The following VPS13A variants were observed in gnomAD, a reference collection of about 807,000 sequenced individuals.
VPS13A encodes the protein intermembrane lipid transfer protein VPS13A.
Under a neutral mutation model 390.9 loss-of-function variants are expected in VPS13A, and 264 were observed. The observed-to-expected ratio is 0.68, with a 90% CI of 0.61 to 0.75. VPS13A has a LOEUF of 0.75. Among genes scored for constraint, VPS13A ranks in the 30% least tolerant of loss-of-function variants. The probability of loss-of-function intolerance (pLI) is 0.00; values close to 1 mark genes in which losing one functional copy is unlikely to be tolerated. For synonymous variants in VPS13A, 1,231 were observed against 1,227.1 expected (o/e 1.00, Z -0.07); for missense variants, 3,409 against 3,733.9 (o/e 0.91, Z 2.27).
intron 31 of VPS13A, among the ~76,000 whole-genome samples, chr9:77,289,249 C>G (rs1398457088): frequency 6.6e-6 from 1 of 152,064 alleles, no homozygotes; most frequent in African/African-American, 2.4e-5. Context: ...TTCTTACAGT[C>G]AGTGTATATT....
intron 23 of VPS13A, among the ~76,000 whole-genome samples, chr9:77,261,052 C>G (rs1459366749): frequency 6.6e-6 from 1 of 151,978 alleles, no homozygotes; most frequent in Non-Finnish European, 1.5e-5. Context: ...CGCCCGCCAC[C>G]ACGCCAGCTA....
chr9:77,268,276 T>G (rs1826148657), intron 23 of VPS13A, among the ~76,000 whole-genome samples: 1 of 152,164 alleles, frequency 6.6e-6, no homozygotes, highest in Non-Finnish European at 1.5e-5. Flanking sequence ...GCCCTGTTGG[T>G]GTAGGCACCC....
intron 71 of VPS13A, among the ~76,000 whole-genome samples, chr9:77,410,822 T>C (rs1834883939): frequency 6.6e-6 from 1 of 152,180 alleles, no homozygotes; most frequent in South Asian, 2.1e-4. Context: ...CAAAGAGACT[T>C]AGACTCCCAC....
At chr9:77,270,568 G>C (rs1826290965) in intron 23 of VPS13A, among the ~76,000 whole-genome samples, 1 of 152,176 alleles carries the variant, frequency 6.6e-6, no homozygotes, top group Non-Finnish European at 1.5e-5. Context: ...GTGCACACCT[G>C]TAGTCCCAGC....
At chr9:77,327,784 C>T (rs1272986701) in intron 45 of VPS13A, among the ~76,000 whole-genome samples, 2 of 152,094 alleles carry the variant, frequency 1.3e-5, no homozygotes, top group Admixed American at 1.3e-4. Context: ...AATTCTAATT[C>T]TAGTTCTCTT....
chr9:77,371,180 A>G (rs1231486957), intron 67 of VPS13A, 31 bp downstream of exon 67: 1 of 1,613,250 alleles, frequency 6.2e-7, no homozygotes, highest in East Asian at 2.2e-5. Context: ...GATATGAGTT[A>G]AAATGCTGAA....
rs1490363148 is a variant in VPS13A at position 77,323,232 on chromosome 9, G to C, written c.5991+5G>C. 2 of 1,612,802 alleles carry C rather than the reference G, an allele frequency of 1.2e-6. No individual in the cohort carries two copies. The highest frequency in any genetic ancestry group is 4.5e-5 in the East Asian group (2 of 44,786). ...ACAATTCGCTCCCCAGTGCAGGTAT[G>C]AAATGATCAATTTTGGGGGATGTCC... On this transcript the variant is annotated splice_donor_5th_base_variant and intron_variant, in intron 45 of 71. Coordinates refer to ENST00000360280, the MANE Select transcript of VPS13A (RefSeq NM_033305.3).
intron 20 of VPS13A, among the ~76,000 whole-genome samples, chr9:77,249,251 T>C (rs1825012622): frequency 2.0e-5 from 3 of 152,228 alleles, no homozygotes. Context: ...ATTCTGCATT[T>C]GTTAATTGTG....
intron 12 of VPS13A, among the ~76,000 whole-genome samples, chr9:77,220,893 T>C (rs1167935528): frequency 1.3e-5 from 2 of 152,162 alleles, no homozygotes; most frequent in African/African-American, 2.4e-5. Flanking sequence ...ATTTCAGTTA[T>C]TATTCAGATG....
chr9:77,233,547 A>AT (rs1201961539), intron 17 of VPS13A, among the ~76,000 whole-genome samples: 7 of 151,886 alleles, frequency 4.6e-5, no homozygotes, highest in African/African-American at 1.7e-4. Flanking sequence ...GCAAACAAAA[A>AT]TTTCCCTGTG....
At chr9:77,355,946 CTT>C (rs1831752884) in intron 54 of VPS13A, among the ~76,000 whole-genome samples, 1 of 152,186 alleles carries the variant, frequency 6.6e-6, no homozygotes. Flanking sequence ...TGACTCCACT[CTT>C]TTTTCTTTCC....
At chr9:77,259,838 T>C (rs1825655111) in intron 22 of VPS13A, among the ~76,000 whole-genome samples, 1 of 152,216 alleles carries the variant, frequency 6.6e-6, no homozygotes, top group African/African-American at 2.4e-5. Context: ...TGATTAGTAG[T>C]AATTGTCAAT....
intron 56 of VPS13A, 34 bp downstream of exon 56, chr9:77,357,872 T>C (rs762805387): frequency 1.3e-6 from 2 of 1,595,012 alleles, no homozygotes; most frequent in African/African-American, 2.7e-5. Flanking sequence ...CAAAATTGTA[T>C]TCTAAAGGAA....
chr9:77,345,196 GCA>G, intron 52 of VPS13A, 54 bp downstream of exon 52: 2 of 1,577,456 alleles, frequency 1.3e-6, no homozygotes, highest in Admixed American at 1.7e-5. Context: ...AGATGATGAG[GCA>G]CAGTTTTTTT....
chr9:77,308,103 GT>G lies in VPS13A; in HGVS notation c.4114+10del, dbSNP rs753020783. The G allele has an allele frequency of 4.4e-5, 71 of 1,613,650 alleles. No homozygotes were observed. In the South Asian group the frequency reaches 7.6e-4, roughly 17 times the overall value. ...ATGCTTCACACCATTCAGGAGGTAT[GT>G]TTTTAACTTCAAATTTCTTTCTGCT... On this transcript the variant is annotated splice_donor_region_variant and intron_variant, in intron 35 of 71. Coordinates refer to ENST00000360280, the MANE Select transcript of VPS13A (RefSeq NM_033305.3).
chr9:77,293,443 C>T lies in VPS13A; in HGVS notation c.3442C>T (p.Gln1148Ter). ...AYTDMNVVDIQVNLIVGCIEV... is the reference protein window; with the variant it reads ...AYTDMNVVDI ...CACAGATATGAATGTGGTTGACATT[C>T]AGGTTAATTTAATAGTTGGTTGCAT... The change falls in exon 32 of 72, where the codon CAG (glutamine) becomes TAG (stop). Residue 1148 changes from glutamine to a stop codon, truncating the protein, a stop_gained. Transcript: ENST00000360280. LOFTEE classifies it high-confidence loss of function. The T allele has an allele frequency of 6.2e-7, 1 of 1,608,832 alleles. No individual in the cohort carries two copies. Among genetic ancestry groups the T allele is most frequent in the South Asian group, 1.1e-5 (1 of 89,662 alleles).
In VPS13A at chr9:77,351,367, A is replaced by G. The variant is rs574650880; in HGVS notation, c.7340A>G (p.Tyr2447Cys). 38 of 1,613,920 alleles carry G rather than the reference A, an allele frequency of 2.4e-5. No individual in the cohort carries two copies. Among genetic ancestry groups the G allele is most frequent in the Non-Finnish European group, 3.1e-5 (37 of 1,179,958 alleles). Residue 2447 changes from tyrosine to cysteine, a missense_variant, in exon 53 of 72, where the codon TAT (tyrosine) becomes TGT (cysteine). Tyr to Cys is a radical substitution (Grantham distance 194). This residue lies in a region of VPS13A where 2,717 missense variants were observed against 2,917.4 expected (regional missense o/e 0.93). Coordinates refer to ENST00000360280, the MANE Select transcript of VPS13A (RefSeq NM_033305.3). ...CTCCCTCCTGGTAAAGCCGTGTTTT[A>G]TACATGGGCTGATCCGGTGGGCTCT... Reference protein sequence around the residue: ...DSLPPGKAVFYTWADPVGSRR... With the variant: ...DSLPPGKAVFCTWADPVGSRR...
chr9:77,296,108 C>T (rs538037238), intron 33 of VPS13A, among the ~76,000 whole-genome samples: 18 of 152,134 alleles, frequency 1.2e-4, no homozygotes, highest in Middle Eastern at 3.4e-3. Context: ...TATATTTGTG[C>T]TTTTTTGTGG....
chr9:77,316,090 T>C, intron 38 of VPS13A, 84 bp from the exon 39 acceptor site: 1 of 758,078 alleles, frequency 1.3e-6, no homozygotes, highest in Non-Finnish European at 1.8e-6. Flanking sequence ...CTTTTTACTA[T>C]TATTTCATTT....
Sources: gnomAD v4.1 joint callset for allele counts (sites outside exome capture counted in the v4.1 genomes callset) on GRCh38, gnomAD v4.1.1 for gene constraint, gnomAD v4.1.1 regional missense constraint, MANE v1.5 for transcripts, NCBI Gene and HGNC (gene_info 2026-07-23, HGNC 2026-07-21) for gene names.